The following TAFA2 variants were observed in gnomAD, a reference collection of about 807,000 sequenced individuals.
TAFA2 encodes TAFA chemokine like family member 2.
TAFA2 carries 7 observed loss-of-function variants against 18.8 expected under a neutral mutation model. The observed-to-expected ratio is 0.37, with a 90% confidence interval of 0.21 to 0.70. The LOEUF is 0.70. Among genes scored for constraint, TAFA2 ranks in the 30% least tolerant of loss-of-function variants. TAFA2 has a pLI of 0.53. For missense variants in TAFA2, 122 were observed against 158.1 expected, an observed-to-expected ratio of 0.77 and a Z score of 1.23; for synonymous variants, 60 against 54.2, an observed-to-expected ratio of 1.11 and a Z score of -0.47.
At chr12:62,169,141 A>G (rs147849013) in intron 1 of TAFA2, among the ~76,000 whole-genome samples, 37 of 152,318 alleles carry the variant, frequency 2.4e-4, no homozygotes, top group African/African-American at 8.7e-4. Flanking sequence ...ATACTGAAAT[A>G]TTTACAAAAT....
intron 1 of TAFA2, among the ~76,000 whole-genome samples, chr12:62,177,294 C>A (rs2062520670): frequency 6.6e-6 from 1 of 152,236 alleles, no homozygotes; most frequent in Non-Finnish European, 1.5e-5. Context: ...CTCTTCCTGC[C>A]ACCACCAACT....
chr12:62,140,525 T>C (rs550053184), intron 1 of TAFA2: 9 of 152,394 alleles, frequency 5.9e-5, no homozygotes, highest in African/African-American at 2.2e-4. Context: ...ATCAAGGCTT[T>C]TTCAGACCCA....
chr12:62,223,212 C>T (rs1387396139), intron 1 of TAFA2, among the ~76,000 whole-genome samples: 1 of 151,906 alleles, frequency 6.6e-6, no homozygotes, highest in Non-Finnish European at 1.5e-5. Flanking sequence ...ACTTTGTCAC[C>T]CAGGCTGGAA....
chr12:62,223,347 T>G (rs986909100), intron 1 of TAFA2, among the ~76,000 whole-genome samples: 1 of 152,108 alleles, frequency 6.6e-6, no homozygotes, highest in Non-Finnish European at 1.5e-5. Context: ...CCCTGGCTAA[T>G]ATTTTGTGTG....
intron 2 of TAFA2, among the ~76,000 whole-genome samples, chr12:61,786,878 C>T (rs1048852509): frequency 2.0e-5 from 3 of 151,254 alleles, no homozygotes; most frequent in African/African-American, 7.3e-5. Context: ...TTATAGCTAA[C>T]AAGCCAAATA....
chr12:62,023,088 C>T (rs945912705), intron 1 of TAFA2, among the ~76,000 whole-genome samples: 3 of 152,172 alleles, frequency 2.0e-5, no homozygotes, highest in South Asian at 2.1e-4. Flanking sequence ...AATCAATGAG[C>T]ATTAGTGATG....
At chr12:61,990,808 G>A (rs974871188) in intron 1 of TAFA2, among the ~76,000 whole-genome samples, 1 of 152,192 alleles carries the variant, frequency 6.6e-6, no homozygotes, top group Non-Finnish European at 1.5e-5. Context: ...ATCCGCATCT[G>A]ATCACCACGT....
At chr12:62,047,589 T>C (rs903462326) in intron 1 of TAFA2, among the ~76,000 whole-genome samples, 6 of 152,308 alleles carry the variant, frequency 3.9e-5, no homozygotes, top group Middle Eastern at 3.4e-3. Flanking sequence ...ATGTAGCTTT[T>C]CAAACTTATT....
intron 1 of TAFA2, among the ~76,000 whole-genome samples, chr12:61,914,392 C>T (rs775829123): frequency 2.0e-5 from 3 of 152,192 alleles, no homozygotes; most frequent in Admixed American, 6.5e-5. Flanking sequence ...CCCACTGTGG[C>T]TTGCTTAGAA....
At chr12:61,961,541 T>C (rs1478873590) in intron 1 of TAFA2, among the ~76,000 whole-genome samples, 1 of 152,010 alleles carries the variant, frequency 6.6e-6, no homozygotes, top group Non-Finnish European at 1.5e-5. Flanking sequence ...TATATAAATT[T>C]AATGTCTATA....
intron 1 of TAFA2, among the ~76,000 whole-genome samples, chr12:61,938,663 A>C (rs183756558): frequency 8.3e-4 from 126 of 152,330 alleles, no homozygotes; most frequent in Non-Finnish European, 1.4e-3. Flanking sequence ...CTAAGTGCCC[A>C]TTGACCAATG....
At chr12:61,939,100 TTG>T (rs1442238050) in intron 1 of TAFA2, among the ~76,000 whole-genome samples, 1 of 152,134 alleles carries the variant, frequency 6.6e-6, no homozygotes, top group Admixed American at 6.6e-5. Context: ...TTACTGAGCA[TTG>T]TGAGTCCAGG....
chr12:62,017,236 A>C (rs1880967733), intron 1 of TAFA2, among the ~76,000 whole-genome samples: 1 of 152,192 alleles, frequency 6.6e-6, no homozygotes, highest in Non-Finnish European at 1.5e-5. Context: ...GCGTAAAAAA[A>C]AAATAGCTTA....
At chr12:61,783,138 T>A (rs1040447350) in intron 2 of TAFA2, among the ~76,000 whole-genome samples, 1 of 151,640 alleles carries the variant, frequency 6.6e-6, no homozygotes, top group African/African-American at 2.4e-5. Context: ...TGCTTACAGA[T>A]AATTAACTAC....
intron 1 of TAFA2, among the ~76,000 whole-genome samples, chr12:62,177,688 G>C (rs1463844916): frequency 6.6e-6 from 1 of 152,078 alleles, no homozygotes; most frequent in African/African-American, 2.4e-5. Flanking sequence ...TCTTCATCTA[G>C]GTGGGCTACA....
At chr12:61,811,620 A>G (rs561450963) in intron 2 of TAFA2, among the ~76,000 whole-genome samples, 2 of 151,568 alleles carry the variant, frequency 1.3e-5, no homozygotes, top group East Asian at 3.9e-4. Context: ...TAAGTATCCT[A>G]TAATATTGCA....
chr12:61,948,991 C>A (rs1051901947), intron 1 of TAFA2, among the ~76,000 whole-genome samples: 36 of 152,258 alleles, frequency 2.4e-4, no homozygotes, highest in African/African-American at 8.7e-4. Context: ...TTGCTTAGCA[C>A]TTGTGATGGT....
intron 1 of TAFA2, among the ~76,000 whole-genome samples, chr12:62,085,449 G>A (rs181559218): frequency 6.6e-6 from 1 of 152,210 alleles, no homozygotes; most frequent in East Asian, 1.9e-4. Context: ...TGTCCTGGAG[G>A]TAACCAATAT....
intron 1 of TAFA2, chr12:61,880,360 T>TAA (rs1257872212): frequency 1.5e-4 from 76 of 516,614 alleles, no homozygotes; most frequent in African/African-American, 7.0e-4. Context: ...AGCTGGCCAT[T>TAA]AAGGATGCCA....
Sources: gnomAD v4.1 joint callset for allele counts (sites outside exome capture counted in the v4.1 genomes callset) on GRCh38, gnomAD v4.1.1 for gene constraint, MANE v1.5 for transcripts, NCBI Gene and HGNC (gene_info 2026-07-23, HGNC 2026-07-21) for gene names.